Variants in PRKAR1B observed in about 807,000 individuals in gnomAD.
PRKAR1B encodes cAMP-dependent protein kinase type I-beta regulatory subunit.
A neutral mutation model predicts 46.5 loss-of-function variants in PRKAR1B; 22 were observed. That is an observed-to-expected ratio of 0.47 (90% CI 0.34 to 0.68). The LOEUF (loss-of-function observed/expected upper bound fraction) is 0.68. PRKAR1B is among the 30% of genes least tolerant of loss of function. The pLI, the probability that PRKAR1B is intolerant of heterozygous loss-of-function variation, is 0.01. For synonymous variants in PRKAR1B, 259 were observed against 217.7 expected (o/e 1.19, Z -1.67); for missense variants, 445 against 535.6 (o/e 0.83, Z 1.67).
At chr7:580,889 G>A (rs1436184014) in intron 8 of PRKAR1B, among the ~76,000 whole-genome samples, 4 of 152,092 alleles carry the variant, frequency 2.6e-5, no homozygotes, top group African/African-American at 7.2e-5. Flanking sequence ...AATCCCTGTC[G>A]GCGCCGTAGG....
chr7:690,746 C>A (rs964447359), intron 2 of PRKAR1B, among the ~76,000 whole-genome samples: 4 of 152,214 alleles, frequency 2.6e-5, no homozygotes, highest in Admixed American at 2.0e-4. Flanking sequence ...CAGGAAGGGG[C>A]TGGTGCTTCT....
intron 1 of PRKAR1B, among the ~76,000 whole-genome samples, chr7:726,148 A>C (rs976597687): frequency 3.3e-5 from 5 of 152,142 alleles, no homozygotes; most frequent in African/African-American, 1.2e-4. Context: ...TGTCTTGATA[A>C]ATTGGCTCTA....
At chr7:559,626 C>A (rs1184185136) in intron 9 of PRKAR1B, among the ~76,000 whole-genome samples, 1 of 152,168 alleles carries the variant, frequency 6.6e-6, no homozygotes, top group Non-Finnish European at 1.5e-5. Flanking sequence ...CACTAGGAAG[C>A]CCATCTCTTC....
At chr7:676,598 T>G (rs1403541180) in intron 4 of PRKAR1B, among the ~76,000 whole-genome samples, 1 of 152,186 alleles carries the variant, frequency 6.6e-6, no homozygotes, top group Non-Finnish European at 1.5e-5. Flanking sequence ...AGCCGGGCCT[T>G]CCCAGAGCAG....
At chr7:658,848 G>C (rs1385530659) in intron 4 of PRKAR1B, among the ~76,000 whole-genome samples, 1 of 151,976 alleles carries the variant, frequency 6.6e-6, no homozygotes, top group Non-Finnish European at 1.5e-5. Flanking sequence ...ACAGGGTTTT[G>C]TCATGTTGGA....
intron 6 of PRKAR1B, among the ~76,000 whole-genome samples, chr7:598,963 G>A (rs1282553818): frequency 2.6e-5 from 4 of 152,244 alleles, no homozygotes; most frequent in Admixed American, 6.5e-5. Context: ...AGCCCGGGAC[G>A]GCCGCACCTC....
At position 582,643 on chromosome 7, in the gene PRKAR1B, G is replaced by A. The variant is rs113043625; in HGVS notation, c.769+1865C>T. Reference sequence around the variant, plus strand: ...GAAGCAAGAAGCCACCTCCAGCCGGGGGGTCACCAGCCCTCGCCCGGAGCA... The same window carrying A: ...GAAGCAAGAAGCCACCTCCAGCCGGAGGGTCACCAGCCCTCGCCCGGAGCA... On this transcript the variant is annotated intron_variant, in intron 8 of 10. Coordinates refer to ENST00000537384, the MANE Select transcript of PRKAR1B (RefSeq NM_001164760.2). Among the ~76,000 whole-genome samples, 809 of 152,364 alleles carry A rather than the reference G, an allele frequency of 5.3e-3. 3 individuals carry two copies. Among genetic ancestry groups the A allele is most frequent in the African/African-American group, 0.018 (763 of 41,594 alleles).
intron 4 of PRKAR1B, among the ~76,000 whole-genome samples, chr7:622,358 G>A (rs768164129): frequency 1.1e-4 from 17 of 152,280 alleles, no homozygotes; most frequent in Non-Finnish European, 2.1e-4. Context: ...CACTCCTCCC[G>A]CTCCAACAAT....
chr7:697,497 G>A (rs529986694), intron 2 of PRKAR1B, among the ~76,000 whole-genome samples: 4 of 152,288 alleles, frequency 2.6e-5, no homozygotes, highest in African/African-American at 7.2e-5. Context: ...CATCCACTGC[G>A]TGCCGGGCAG....
intron 2 of PRKAR1B, among the ~76,000 whole-genome samples, chr7:690,776 T>C (rs1779368818): frequency 6.6e-6 from 1 of 152,062 alleles, no homozygotes; most frequent in South Asian, 2.1e-4. Flanking sequence ...AGAGGCCTGA[T>C]GCCTGGGGCT....
chr7:679,183 T>C (rs1297745864), intron 3 of PRKAR1B, among the ~76,000 whole-genome samples: 1 of 152,268 alleles, frequency 6.6e-6, no homozygotes, highest in East Asian at 1.9e-4. Context: ...TCCCTGATGT[T>C]ACTACCTTAC....
In PRKAR1B at chr7:715,520, G is replaced by A. The variant is rs1780840976; in HGVS notation, c.-22-3993C>T. Among the ~76,000 whole-genome samples the A allele has an allele frequency of 3.9e-5, 6 of 152,168 alleles. No homozygotes were observed. In the South Asian group the frequency reaches 1.2e-3, roughly 32 times the overall value. ...TGCTGGTGACTGGGTTACCCATTCA[G>A]AAGTCCCAGTAAATCACATATCTTC... On this transcript the variant is annotated intron_variant, in intron 1 of 10. Transcript: ENST00000537384.
At chr7:592,896 C>T (rs924018931) in intron 7 of PRKAR1B, among the ~76,000 whole-genome samples, 2 of 151,908 alleles carry the variant, frequency 1.3e-5, no homozygotes. Flanking sequence ...ATTAGTCAGG[C>T]GCGGTAGCAC....
chr7:707,408 T>C (rs1042607295), intron 2 of PRKAR1B, among the ~76,000 whole-genome samples: 2 of 152,194 alleles, frequency 1.3e-5, no homozygotes, highest in African/African-American at 4.8e-5. Flanking sequence ...AATTGTACCA[T>C]AGATCCTGTC....
intron 9 of PRKAR1B, among the ~76,000 whole-genome samples, chr7:572,462 T>C (rs9330379): frequency 0.65 from 98,547 of 152,040 alleles, 32,489 homozygotes; most frequent in African/African-American, 0.76. Context: ...TCCTGCAGCC[T>C]GGCCCTGCCT....
intron 4 of PRKAR1B, among the ~76,000 whole-genome samples, chr7:642,664 G>GCAGTGAGC (rs537855592): frequency 6.6e-6 from 1 of 150,534 alleles, no homozygotes; most frequent in Non-Finnish European, 1.5e-5. Context: ...GGCGGAGCTT[G>GCAGTGAGC]CAGTGAGCCA....
chr7:594,849 GA>G (rs1562547320), intron 7 of PRKAR1B, among the ~76,000 whole-genome samples: 2 of 152,026 alleles, frequency 1.3e-5, no homozygotes, highest in Non-Finnish European at 2.9e-5. Flanking sequence ...GTCCCCCCCA[GA>G]TCATGACGAG....
intron 2 of PRKAR1B, among the ~76,000 whole-genome samples, chr7:707,643 T>G (rs1341305355): frequency 6.6e-6 from 1 of 152,108 alleles, no homozygotes; most frequent in Admixed American, 6.6e-5. Context: ...AAGAGGTCAT[T>G]GGGGTGGCCT....
At chr7:699,410 C>T (rs931958101) in intron 2 of PRKAR1B, among the ~76,000 whole-genome samples, 2 of 152,144 alleles carry the variant, frequency 1.3e-5, no homozygotes, top group Admixed American at 1.3e-4. Context: ...CCTCCCAACG[C>T]AGGAACAGCC....
Sources: allele counts gnomAD v4.1 joint callset (sites outside exome capture counted in the v4.1 genomes callset), GRCh38; gene constraint gnomAD v4.1.1; transcripts MANE v1.5; gene names NCBI Gene and HGNC (gene_info 2026-07-23, HGNC 2026-07-21).